PARPBP: variants seen among roughly 807,000 people sequenced by gnomAD.
PARPBP encodes the protein PCNA-interacting partner.
A neutral mutation model predicts 50.0 loss-of-function variants in PARPBP; 52 were observed. The observed-to-expected ratio is 1.04, with a 90% CI of 0.83 to 1.31. The LOEUF (loss-of-function observed/expected upper bound fraction) is 1.31, where lower values mean the gene tolerates loss of function less well. Ranked by LOEUF, PARPBP falls within the 50% of genes most tolerant of loss-of-function variation. The probability of loss-of-function intolerance (pLI) is 0.00; values close to 1 mark genes in which losing one functional copy is unlikely to be tolerated. For synonymous variants in PARPBP, 244 were observed against 232.1 expected, an observed-to-expected ratio of 1.05 and a Z score of -0.47; for missense variants, 697 against 672.0, an observed-to-expected ratio of 1.04 and a Z score of -0.41.
intron 2 of PARPBP, among the ~76,000 whole-genome samples, chr12:102,134,859 A>G (rs758106912): frequency 2.0e-5 from 3 of 151,842 alleles, no homozygotes; most frequent in Non-Finnish European, 4.4e-5. Context: ...TTATTTTTTT[A>G]TAGAGACAGG....
chr12:102,124,158 A>G (rs1463958482), intron 2 of PARPBP, 117 bp downstream of exon 2: 1 of 685,730 alleles, frequency 1.5e-6, no homozygotes, highest in Non-Finnish European at 2.5e-6. Flanking sequence ...CCCTTCTGTG[A>G]TAATACACCA....
intron 3 of PARPBP, chr12:102,148,876 A>AT (rs1885801748): frequency 6.4e-6 from 1 of 156,596 alleles, no homozygotes; most frequent in Non-Finnish European, 1.4e-5. Flanking sequence ...ATTTTACTAC[A>AT]TATAGGTATC....
Position 102,195,477 on chromosome 12 carries a change from A to C in PARPBP, c.1399+30A>C, listed in dbSNP as rs557989066. On this transcript the variant is annotated intron_variant, in intron 10 of 10. Transcript: ENST00000327680. ...TTGACCTTATTTGTGCAATTAAATA[A>C]CAATTTAATTCTAGTCTACTAATTA... 3 of 1,506,028 alleles carry C rather than the reference A, an allele frequency of 2.0e-6. No homozygotes were observed. The African/African-American group carries it at 4.2e-5, about 21-fold the overall frequency. 93.3% of individuals were successfully genotyped at this position (1,506,028 alleles called of 1,614,324 possible).
intron 2 of PARPBP, among the ~76,000 whole-genome samples, chr12:102,147,515 T>G (rs1885545428): frequency 7.4e-6 from 1 of 134,516 alleles, no homozygotes; most frequent in African/African-American, 2.8e-5. Flanking sequence ...AATTGAACAA[T>G]GAGAACACAT....
chr12:102,183,760 C>A (rs975366778), intron 9 of PARPBP, among the ~76,000 whole-genome samples: 7 of 151,884 alleles, frequency 4.6e-5, no homozygotes, highest in Non-Finnish European at 7.4e-5. Context: ...AGCTCAATTT[C>A]TCTGTCTCCA....
chr12:102,166,814 G>C (rs183592004), intron 6 of PARPBP, among the ~76,000 whole-genome samples: 1 of 151,996 alleles, frequency 6.6e-6, no homozygotes. Context: ...CTGAATTGCA[G>C]TCTGTCTTCT....
chr12:102,164,265 G>A (rs572203578), intron 4 of PARPBP, among the ~76,000 whole-genome samples, 173 bp from the exon 5 acceptor site: 1 of 152,250 alleles, frequency 6.6e-6, no homozygotes, highest in East Asian at 1.9e-4. Flanking sequence ...AATTTGGGGA[G>A]AGATGGAGTT....
chr12:102,147,624 G>T (rs1885568039), intron 2 of PARPBP, among the ~76,000 whole-genome samples: 1 of 151,432 alleles, frequency 6.6e-6, no homozygotes, highest in Non-Finnish European at 1.5e-5. Context: ...TAAATGACGA[G>T]TTAATGGGTG....
At chr12:102,146,674 A>C (rs1159443968) in intron 2 of PARPBP, among the ~76,000 whole-genome samples, 1 of 152,170 alleles carries the variant, frequency 6.6e-6, no homozygotes, top group Non-Finnish European at 1.5e-5. Flanking sequence ...CTTCATGTCT[A>C]AAACACCAAA....
intron 6 of PARPBP, among the ~76,000 whole-genome samples, chr12:102,171,148 C>CTT (rs113616417): frequency 7.1e-6 from 1 of 140,460 alleles, no homozygotes. Flanking sequence ...TCAGTTAGTG[C>CTT]TTTTTTTTTT....
At chr12:102,132,323 T>G (rs765625275) in intron 2 of PARPBP, among the ~76,000 whole-genome samples, 1 of 152,166 alleles carries the variant, frequency 6.6e-6, no homozygotes, top group Non-Finnish European at 1.5e-5. Context: ...AAAATCCATT[T>G]TGAGTTGATT....
intron 9 of PARPBP, among the ~76,000 whole-genome samples, chr12:102,188,232 G>A (rs1890482001): frequency 1.3e-5 from 2 of 151,588 alleles, no homozygotes; most frequent in African/African-American, 4.8e-5. Context: ...TTCCACTTGA[G>A]AAGTGGGACG....
intron 2 of PARPBP, among the ~76,000 whole-genome samples, chr12:102,126,693 A>G (rs944732989): frequency 3.3e-5 from 5 of 152,188 alleles, no homozygotes; most frequent in African/African-American, 1.2e-4. Context: ...AGGCTGAGGC[A>G]GGATTATCAC....
rs2036771 is a variant in PARPBP, at chr12:102,124,026, G to A, written c.138G>A (p.Ala46=). 0.23 allele frequency: 355,746 copies of A among 1,532,294 alleles called. 43,246 individuals are homozygous for A. Among genetic ancestry groups the A allele is most frequent in the East Asian group, 0.46 (18,617 of 40,798 alleles). 94.9% of individuals were successfully genotyped at this position (1,532,294 alleles called of 1,614,324 possible). The change falls in exon 2 of 11, where the codon GCG becomes GCA. Residue 46 remains alanine, a synonymous_variant. Coordinates refer to ENST00000327680, the MANE Select transcript of PARPBP (RefSeq NM_017915.5). ...TCTTGGCATTGCAGCTTTCTATGGCGGAGAACAACAAACAGGTTGGTAAAC... is the reference window on the plus strand; with the variant it reads ...TCTTGGCATTGCAGCTTTCTATGGCAGAGAACAACAAACAGGTTGGTAAAC... ...SMLLALQLSM[A]ENNKQHSGEF...
rs905027064 is a variant in PARPBP, at chr12:102,120,226, C to T, written c.-64C>T. On this transcript the variant is annotated 5_prime_UTR_variant, in exon 1 of 11. Transcript: ENST00000327680. ...GGCGACTGCGGCGGCCGCGGGAGGG[C>T]ATCCCGTTGGGGATCCTTCCGCACA... is the stretch of plus-strand genomic sequence containing the variant. 2.2e-5 allele frequency: 5 copies of T among 222,262 alleles called. No homozygotes were observed. The highest frequency in any genetic ancestry group is 5.4e-5 in the Admixed American group (1 of 18,400). The allele number at this position is 222,262 out of a possible 1,614,324, so 13.8% of individuals were successfully genotyped here.
chr12:102,196,414 AG>A lies in PARPBP; in HGVS notation c.*125del. The A allele has an allele frequency of 1.3e-6, 1 of 756,888 alleles. No individual in the cohort carries two copies. The highest frequency in any genetic ancestry group is 3.9e-4 in the Middle Eastern group (1 of 2,588). 46.9% of individuals were successfully genotyped at this position (756,888 alleles called of 1,614,324 possible). On this transcript the variant is annotated 3_prime_UTR_variant, in exon 11 of 11. Coordinates refer to ENST00000327680, the MANE Select transcript of PARPBP (RefSeq NM_017915.5). ...ATTATTTTGGTCTACAGTGTATGTA[AG>A]GTTAGTATGTTAAGCATTGTTTAAA...
At chr12:102,161,991 A>G (rs555971592) in intron 4 of PARPBP, among the ~76,000 whole-genome samples, 1 of 152,290 alleles carries the variant, frequency 6.6e-6, no homozygotes, top group African/African-American at 2.4e-5. Flanking sequence ...TCGAGTCCAT[A>G]TTTAAGGCAA....
intron 4 of PARPBP, among the ~76,000 whole-genome samples, chr12:102,164,062 T>C (rs1887874456): frequency 6.6e-6 from 1 of 151,810 alleles, no homozygotes; most frequent in Admixed American, 6.5e-5. Flanking sequence ...GATTCCTCTA[T>C]GTTCTTCTGA....
intron 6 of PARPBP, among the ~76,000 whole-genome samples, chr12:102,167,588 A>G (rs1461838614): frequency 6.6e-6 from 1 of 152,142 alleles, no homozygotes; most frequent in African/African-American, 2.4e-5. Context: ...TACTCTCCAA[A>G]TGTCAGTAAC....
Sources: allele counts gnomAD v4.1 joint callset (sites outside exome capture counted in the v4.1 genomes callset), GRCh38; gene constraint gnomAD v4.1.1; transcripts MANE v1.5; gene names NCBI Gene and HGNC (gene_info 2026-07-23, HGNC 2026-07-21).